The following SLC12A3 variants were observed in gnomAD, a reference collection of about 807,000 sequenced individuals.
The protein encoded by SLC12A3 is solute carrier family 12 member 3.
In SLC12A3, 104 loss-of-function variants were observed where a neutral mutation model predicts 121.0. The ratio of observed to expected loss-of-function variants is 0.86; its 90% confidence interval spans 0.73 to 1.01. SLC12A3 has a LOEUF of 1.01. SLC12A3 is among the 50% of genes least tolerant of loss of function. The pLI is 0.00. For missense variants in SLC12A3, 1,328 were observed against 1,356.3 expected, an observed-to-expected ratio of 0.98 and a Z score of 0.33; for synonymous variants, 536 against 533.4, an observed-to-expected ratio of 1.00 and a Z score of -0.07.
At chr16:56,885,553 G>T (rs150110543) in intron 15 of SLC12A3, among the ~76,000 whole-genome samples, 189 bp downstream of exon 15, 279 of 152,274 alleles carry the variant, frequency 1.8e-3, no homozygotes, top group Non-Finnish European at 3.4e-3. Context: ...TATCCTGATG[G>T]GGACCAAGCA....
At chr16:56,880,628 G>A (rs554473185) in intron 12 of SLC12A3, among the ~76,000 whole-genome samples, 1 of 152,158 alleles carries the variant, frequency 6.6e-6, no homozygotes, top group Non-Finnish European at 1.5e-5. Flanking sequence ...AAGCTGACTG[G>A]TCTCTCCTTG....
chr16:56,873,326 G>A (rs1245042230), intron 8 of SLC12A3, among the ~76,000 whole-genome samples: 4 of 148,656 alleles, frequency 2.7e-5, no homozygotes, highest in Admixed American at 6.7e-5. Context: ...CTGCAACTCC[G>A]TACGCTTGCT....
intron 25 of SLC12A3, among the ~76,000 whole-genome samples, chr16:56,908,864 G>A (rs1271947842): frequency 6.6e-6 from 1 of 152,232 alleles, no homozygotes; most frequent in Non-Finnish European, 1.5e-5. Context: ...GTCCTGGGAC[G>A]CCTCCCCAGA....
intron 5 of SLC12A3, 143 bp from the exon 6 acceptor site, chr16:56,870,483 G>C (rs1282688752): frequency 1.3e-6 from 1 of 758,360 alleles, no homozygotes; most frequent in South Asian, 1.5e-5. Context: ...AGCTGCTTTG[G>C]GGACTCGATG....
chr16:56,886,758 C>G (rs536134895), intron 16 of SLC12A3, among the ~76,000 whole-genome samples, 195 bp from the exon 17 acceptor site: 65 of 152,244 alleles, frequency 4.3e-4, no homozygotes, highest in East Asian at 2.3e-3. Context: ...TGCCCTGCCT[C>G]TTTTCTGCCC....
chr16:56,887,264 T>G (rs1322630932), intron 17 of SLC12A3, among the ~76,000 whole-genome samples, 171 bp downstream of exon 17: 2 of 151,954 alleles, frequency 1.3e-5, no homozygotes, highest in African/African-American at 4.8e-5. Flanking sequence ...TGCAATGGTG[T>G]GATGTCAGCT....
chr16:56,899,507 T>C (rs762468173), intron 22 of SLC12A3, 23 bp from the exon 23 acceptor site: 1 of 1,586,470 alleles, frequency 6.3e-7, no homozygotes, highest in East Asian at 2.2e-5. Context: ...GTAATAACAA[T>C]AAACCCTCCA....
rs2055192793 is a variant in SLC12A3, at chr16:56,878,287, G to A, written c.1180+126G>A. 3 of 737,712 alleles carry A rather than the reference G, an allele frequency of 4.1e-6. No individual in the cohort carries two copies. The Admixed American group carries it at 6.1e-5, about 15-fold the overall frequency. The allele number at this position is 737,712 out of a possible 1,614,324, so 45.7% of individuals were successfully genotyped here. The stretch of plus-strand genomic sequence containing the variant: ...CGACTCTCTAACAACAGGGAGAGCT[G>A]GGCTGGGAGGGTGTGGCGACCTTAG... On this transcript the variant is annotated intron_variant, in intron 9 of 25. Coordinates refer to ENST00000563236, the MANE Select transcript of SLC12A3 (RefSeq NM_001126108.2).
intron 25 of SLC12A3, among the ~76,000 whole-genome samples, chr16:56,910,970 A>G (rs2055676865): frequency 6.6e-6 from 1 of 152,160 alleles, no homozygotes; most frequent in Admixed American, 6.5e-5. Flanking sequence ...GTGATTTTCA[A>G]GACAGCTGTC....
chr16:56,891,983 G>C (rs546777390), intron 19 of SLC12A3, 100 bp from the exon 20 acceptor site: 2 of 904,736 alleles, frequency 2.2e-6, no homozygotes, highest in African/African-American at 1.6e-5. Context: ...GTGGGGCATC[G>C]GGACTTTCTT....
chr16:56,904,484 G>A (rs1478778775), intron 25 of SLC12A3, 22 bp downstream of exon 25: 2 of 1,610,118 alleles, frequency 1.2e-6, no homozygotes, highest in Admixed American at 1.7e-5. Flanking sequence ...CCGGCTGGTG[G>A]GAGGACCAGT....
At chr16:56,876,468 G>GCCTGCAGGGGC (rs1277200188) in intron 8 of SLC12A3, among the ~76,000 whole-genome samples, 2 of 152,194 alleles carry the variant, frequency 1.3e-5, no homozygotes, top group African/African-American at 4.8e-5. Context: ...GCAGGTCCAT[G>GCCTGCAGGGGC]CCTGCAGGGG....
At chr16:56,890,506 GA>G in intron 19 of SLC12A3, 150 bp downstream of exon 19, 1 of 703,458 alleles carries the variant, frequency 1.4e-6, no homozygotes, top group Non-Finnish European at 2.5e-6. Flanking sequence ...AGTTTTCCCA[GA>G]AAGAGAAAGC....
intron 6 of SLC12A3, 39 bp from the exon 7 acceptor site, chr16:56,872,311 AC>A (rs766672309): frequency 6.8e-6 from 10 of 1,468,222 alleles, no homozygotes; most frequent in Non-Finnish European, 9.5e-6. Context: ...GAGAGGTAGA[AC>A]AAAACTATCT....
rs2144741496 is a variant in SLC12A3 at position 56,892,074 on chromosome 16, C to G, written c.2369-9C>G. 6.2e-7 allele frequency: 1 copy of G among 1,611,836 alleles called. No homozygotes were observed. The highest frequency in any genetic ancestry group is 8.5e-7 in the Non-Finnish European group (1 of 1,178,026). ...GAGCCTGTGAACAAAGCTGCCTCTT[C>G]TTTTGCAGTTAACCCCGTGTTTGAC... On this transcript the variant is annotated splice_polypyrimidine_tract_variant and intron_variant, in intron 19 of 25. Coordinates refer to ENST00000563236, the MANE Select transcript of SLC12A3 (RefSeq NM_001126108.2).
rs1440788195 is a variant in SLC12A3, at chr16:56,885,270, A to C, written c.1831A>C (p.Asn611His). ...LYVIYKKPEV[N>H]WGSSVQAGSY... ...TTGCTCCCTTGCTCTCCCAGAGGTA[A>C]ATTGGGGCTCCTCGGTACAGGCTGG... The change falls in exon 15 of 26, where the codon AAT becomes CAT. Residue 611 changes from asparagine to histidine, a missense_variant. Physicochemically the swap from Asn to His is moderately conservative, Grantham distance 68. Transcript: ENST00000563236. The C allele has an allele frequency of 6.4e-6, 10 of 1,551,028 alleles. No homozygotes were observed. Among genetic ancestry groups the C allele is most frequent in the African/African-American group, 1.4e-5 (1 of 73,014 alleles).
At chr16:56,908,832 G>A (rs191778520) in intron 25 of SLC12A3, among the ~76,000 whole-genome samples, 3 of 152,368 alleles carry the variant, frequency 2.0e-5, no homozygotes, top group Non-Finnish European at 2.9e-5. Context: ...GGGTCCGAGC[G>A]CAAGACAGTG....
chr16:56,866,161 T>A (rs1288760153), intron 1 of SLC12A3, among the ~76,000 whole-genome samples: 2 of 151,898 alleles, frequency 1.3e-5, no homozygotes, highest in African/African-American at 2.4e-5. Context: ...AATTTTTGTA[T>A]TTTTAGTAGG....
intron 25 of SLC12A3, chr16:56,906,548 A>G (rs2055610371): frequency 4.4e-6 from 1 of 228,202 alleles, no homozygotes; most frequent in East Asian, 1.2e-4. Flanking sequence ...ATGAATCAGT[A>G]AGTATCCAAA....
Sources: allele counts gnomAD v4.1 joint callset (sites outside exome capture counted in the v4.1 genomes callset), GRCh38; gene constraint gnomAD v4.1.1; transcripts MANE v1.5; gene names NCBI Gene and HGNC (gene_info 2026-07-23, HGNC 2026-07-21).